The following ROPN1 variants were observed in gnomAD, a reference collection of about 807,000 sequenced individuals.
The protein encoded by ROPN1 is ropporin-1A.
In ROPN1, 14 loss-of-function variants were observed where a neutral mutation model predicts 20.5. The ratio of observed to expected loss-of-function variants is 0.68; its 90% CI spans 0.45 to 1.07. ROPN1 has a LOEUF of 1.07. Ranked by LOEUF, ROPN1 falls within the 50% of genes least tolerant of loss-of-function variation. The probability of loss-of-function intolerance (pLI) is 0.00; values close to 1 mark genes in which losing one functional copy is unlikely to be tolerated. For missense variants in ROPN1, 169 were observed against 242.8 expected (o/e 0.70, Z 2.02); for synonymous variants, 76 against 95.7 (o/e 0.79, Z 1.20).
intron 1 of ROPN1, 23 bp from the exon 2 acceptor site, chr3:123,980,516 C>G (rs140275553): frequency 1.2e-6 from 2 of 1,605,818 alleles, no homozygotes; most frequent in South Asian, 2.2e-5. Flanking sequence ...GAAAAAAATA[C>G]GTTAAGATGA....
intron 2 of ROPN1, among the ~76,000 whole-genome samples, chr3:123,977,369 TA>T (rs2038047178): frequency 6.6e-6 from 1 of 152,136 alleles, no homozygotes; most frequent in Admixed American, 6.5e-5. Flanking sequence ...GGAAGAGAAC[TA>T]AAAAGTAATG....
At chr3:123,986,795 C>T (rs2038270497) in intron 1 of ROPN1, among the ~76,000 whole-genome samples, 1 of 152,196 alleles carries the variant, frequency 6.6e-6, no homozygotes, top group African/African-American at 2.4e-5. Flanking sequence ...AAAGTACTGG[C>T]TGCAGCATGC....
At chr3:123,975,644 T>A in intron 3 of ROPN1, 104 bp from the exon 4 acceptor site, 2 of 656,024 alleles carry the variant, frequency 3.0e-6, no homozygotes, top group Non-Finnish European at 5.3e-6. Context: ...TCCCAGCACA[T>A]GGCAAGGGGC....
intron 2 of ROPN1, chr3:123,978,739 CAT>C (rs2038074825): frequency 6.6e-6 from 1 of 152,618 alleles, no homozygotes; most frequent in South Asian, 2.1e-4. Flanking sequence ...AAGTAAGTCA[CAT>C]ACAACCATCT....
At chr3:123,980,336 A>G in intron 2 of ROPN1, 30 bp downstream of exon 2, 3 of 1,610,138 alleles carry the variant, frequency 1.9e-6, no homozygotes, top group Non-Finnish European at 2.5e-6. Flanking sequence ...GCCGTCCTCC[A>G]AGGGGTGAAG....
intron 1 of ROPN1, among the ~76,000 whole-genome samples, chr3:123,988,578 A>G (rs1264864244): frequency 6.6e-6 from 1 of 152,180 alleles, no homozygotes; most frequent in Non-Finnish European, 1.5e-5. Flanking sequence ...AAAGCAAAAC[A>G]TAGGGCTGCT....
intron 4 of ROPN1, among the ~76,000 whole-genome samples, chr3:123,973,035 T>A (rs201127573): frequency 6.6e-6 from 1 of 152,148 alleles, no homozygotes; most frequent in Non-Finnish European, 1.5e-5. Context: ...GGGCAACTTT[T>A]ATAAGGGCAC....
intron 4 of ROPN1, among the ~76,000 whole-genome samples, chr3:123,972,642 G>A (rs753868295): frequency 6.6e-6 from 1 of 152,188 alleles, no homozygotes; most frequent in Non-Finnish European, 1.5e-5. Flanking sequence ...GACGCAGAGA[G>A]CTCAAGATGG....
intron 1 of ROPN1, chr3:123,981,436 G>C (rs901043415): frequency 5.2e-5 from 8 of 153,768 alleles, no homozygotes; most frequent in African/African-American, 1.9e-4. Context: ...TAGGCAGGGT[G>C]GATAGAGACC....
chr3:123,976,564 C>A (rs1420278484), intron 3 of ROPN1, among the ~76,000 whole-genome samples: 1 of 152,184 alleles, frequency 6.6e-6, no homozygotes, highest in African/African-American at 2.4e-5. Context: ...AGACACTGTC[C>A]AGTGACTGAG....
At chr3:123,977,487 C>T (rs1269483320) in intron 2 of ROPN1, among the ~76,000 whole-genome samples, 1 of 152,144 alleles carries the variant, frequency 6.6e-6, no homozygotes, top group African/African-American at 2.4e-5. Flanking sequence ...CTGCAGTGAA[C>T]TATAATTGTG....
chr3:123,988,669 G>C (rs1409387113), intron 1 of ROPN1, among the ~76,000 whole-genome samples: 1 of 152,164 alleles, frequency 6.6e-6, no homozygotes, highest in Non-Finnish European at 1.5e-5. Context: ...TGTGAGGCAG[G>C]AGTCCAGGAT....
chr3:123,974,660 T>C (rs1026306641), intron 4 of ROPN1: 3 of 152,948 alleles, frequency 2.0e-5, no homozygotes, highest in African/African-American at 2.4e-5. Flanking sequence ...TGTATGTATC[T>C]CAGGGATTCT....
At chr3:123,981,299 T>G (rs1225728445) in intron 1 of ROPN1, 1 of 152,116 alleles carries the variant, frequency 6.6e-6, no homozygotes, top group Non-Finnish European at 1.5e-5. Flanking sequence ...TGCAGTGAAG[T>G]GAGAGAAATC....
intron 4 of ROPN1, among the ~76,000 whole-genome samples, chr3:123,972,632 G>A (rs911597790): frequency 6.6e-6 from 1 of 152,196 alleles, no homozygotes; most frequent in Non-Finnish European, 1.5e-5. Context: ...ATGTGTATTA[G>A]ACGCAGAGAG....
chr3:123,970,000 T>C (rs1178715175), intron 5 of ROPN1, 42 bp downstream of exon 5: 1 of 1,596,920 alleles, frequency 6.3e-7, no homozygotes, highest in Non-Finnish European at 8.6e-7. Context: ...AGATTTCTTT[T>C]CCTGGTATTC....
At chr3:123,981,620 G>C (rs544781959) in intron 1 of ROPN1, among the ~76,000 whole-genome samples, 1 of 152,310 alleles carries the variant, frequency 6.6e-6, no homozygotes, top group East Asian at 1.9e-4. Context: ...CTTCTAGTCA[G>C]GAGAGAAACA....
chr3:123,981,024 A>G (rs2038136573), intron 1 of ROPN1, among the ~76,000 whole-genome samples: 2 of 152,176 alleles, frequency 1.3e-5, no homozygotes, highest in African/African-American at 4.8e-5. Flanking sequence ...CTCTCTTTAC[A>G]GCTGCATGTT....
At chr3:123,969,536 G>A (rs544188422) in intron 5 of ROPN1, among the ~76,000 whole-genome samples, 33 of 152,290 alleles carry the variant, frequency 2.2e-4, no homozygotes, top group African/African-American at 7.5e-4. Flanking sequence ...TGCCCAGGCC[G>A]GTCTTGAACT....
Sources: gnomAD v4.1 joint callset for allele counts (sites outside exome capture counted in the v4.1 genomes callset) on GRCh38, gnomAD v4.1.1 for gene constraint, MANE v1.5 for transcripts, NCBI Gene and HGNC (gene_info 2026-07-23, HGNC 2026-07-21) for gene names.